Variants in RPS6KC1 observed in about 807,000 individuals in gnomAD.
RPS6KC1 encodes ribosomal protein S6 kinase C1.
A neutral mutation model predicts 103.8 loss-of-function variants in RPS6KC1; 54 were observed. The ratio of observed to expected loss-of-function variants is 0.52; its 90% CI spans 0.42 to 0.65. The LOEUF (loss-of-function observed/expected upper bound fraction) is 0.65, where lower values mean the gene tolerates loss of function less well. Ranked by LOEUF, RPS6KC1 falls within the 30% of genes least tolerant of loss-of-function variation. The probability of loss-of-function intolerance (pLI) is 0.00; values close to 1 mark genes in which losing one functional copy is unlikely to be tolerated. For synonymous variants in RPS6KC1, 439 were observed against 438.7 expected, an observed-to-expected ratio of 1.00 and a Z score of -0.01; for missense variants, 1,151 against 1,253.8, an observed-to-expected ratio of 0.92 and a Z score of 1.24.
the RPS6KC1 span, among the ~76,000 whole-genome samples, chr1:213,281,701 T>C: frequency 5.9e-5 from 9 of 152,200 alleles, no homozygotes; most frequent in African/African-American, 1.9e-4. Flanking sequence ...CTATATCCCG[T>C]AGCTTATCTC....
At chr1:213,627,980 A>G in the RPS6KC1 span, among the ~76,000 whole-genome samples, 1 of 152,224 alleles carries the variant, frequency 6.6e-6, no homozygotes, top group Admixed American at 6.5e-5. Context: ...ACTGATTGGA[A>G]TAGTTTCAGA....
chr1:213,167,795 A>G (rs2091120834), intron 6 of RPS6KC1, 63 bp from the exon 7 acceptor site: 2 of 920,566 alleles, frequency 2.2e-6, no homozygotes, highest in African/African-American at 3.4e-5. Flanking sequence ...GGTAGAAGGA[A>G]GTTAATTTTC....
intron 4 of RPS6KC1, 42 bp downstream of exon 4, chr1:213,104,611 C>T (rs770158612): frequency 1.2e-5 from 13 of 1,115,642 alleles, no homozygotes; most frequent in Middle Eastern, 2.1e-4. Flanking sequence ...TTATTAAATA[C>T]TTTTGTAATT....
At chr1:213,132,237 T>C (rs1299061609) in intron 6 of RPS6KC1, among the ~76,000 whole-genome samples, 2 of 152,356 alleles carry the variant, frequency 1.3e-5, no homozygotes, top group Non-Finnish European at 2.9e-5. Context: ...GTTTGTCTTT[T>C]TGAAAGCACA....
the RPS6KC1 span, among the ~76,000 whole-genome samples, chr1:213,708,983 A>G: frequency 6.6e-5 from 10 of 152,136 alleles, no homozygotes; most frequent in African/African-American, 1.9e-4. Flanking sequence ...TTGCATCAAT[A>G]TTCATCAGGG....
the RPS6KC1 span, among the ~76,000 whole-genome samples, chr1:213,357,415 G>A: frequency 6.6e-6 from 1 of 152,240 alleles, no homozygotes; most frequent in Non-Finnish European, 1.5e-5. Flanking sequence ...GGGTAAGGAT[G>A]TTGGAATGAC....
At chr1:213,379,248 C>A in the RPS6KC1 span, among the ~76,000 whole-genome samples, 1 of 152,102 alleles carries the variant, frequency 6.6e-6, no homozygotes, top group Non-Finnish European at 1.5e-5. Flanking sequence ...TCCCCGGTAC[C>A]TTTAATGTGA....
the RPS6KC1 span, among the ~76,000 whole-genome samples, chr1:213,366,883 C>T: frequency 6.6e-6 from 1 of 152,214 alleles, no homozygotes; most frequent in African/African-American, 2.4e-5. Context: ...TGTATCTTCC[C>T]TGCATTTGTC....
intron 6 of RPS6KC1, among the ~76,000 whole-genome samples, chr1:213,161,793 A>C (rs1258304210): frequency 6.6e-6 from 1 of 152,230 alleles, no homozygotes; most frequent in Non-Finnish European, 1.5e-5. Context: ...TGAGAATAAT[A>C]AACTGCTTGT....
At chr1:213,145,816 T>C (rs1307707960) in intron 6 of RPS6KC1, among the ~76,000 whole-genome samples, 19 of 152,000 alleles carry the variant, frequency 1.3e-4, no homozygotes, top group Non-Finnish European at 4.4e-5. Flanking sequence ...AAGTACATCA[T>C]GGAGAATGGG....
chr1:213,213,325 T>C (rs1202667578), intron 8 of RPS6KC1, among the ~76,000 whole-genome samples: 2 of 152,260 alleles, frequency 1.3e-5, no homozygotes, highest in Non-Finnish European at 2.9e-5. Context: ...CTTTGCTCCA[T>C]TGTATTCCCT....
chr1:213,366,551 CGTT>C, the RPS6KC1 span, among the ~76,000 whole-genome samples: 20 of 152,236 alleles, frequency 1.3e-4, no homozygotes, highest in Admixed American at 6.5e-4. Flanking sequence ...GTTCAACTCT[CGTT>C]GTAGCACAAA....
the RPS6KC1 span, among the ~76,000 whole-genome samples, chr1:213,767,179 T>A: frequency 6.6e-6 from 1 of 152,152 alleles, no homozygotes; most frequent in Admixed American, 6.5e-5. Context: ...AAACATTACT[T>A]TCTTCAAGAA....
chr1:213,304,043 A>C, the RPS6KC1 span, among the ~76,000 whole-genome samples: 2 of 151,054 alleles, frequency 1.3e-5, no homozygotes, highest in East Asian at 1.9e-4. Flanking sequence ...GTCTCTACTA[A>C]AAATACAAAA....
intron 2 of RPS6KC1, among the ~76,000 whole-genome samples, chr1:213,074,842 A>ATTT (rs2079164421): frequency 2.9e-5 from 3 of 103,230 alleles, no homozygotes; most frequent in Admixed American, 1.0e-4. Context: ...AACTAGAATA[A>ATTT]ATTTTTTTTT....
the RPS6KC1 span, among the ~76,000 whole-genome samples, chr1:213,576,272 C>T: frequency 1.3e-5 from 2 of 151,616 alleles, no homozygotes; most frequent in Non-Finnish European, 2.9e-5. Context: ...ATAACAATTA[C>T]TTACCTAGTG....
At chr1:213,184,452 C>G (rs1212453057) in intron 8 of RPS6KC1, among the ~76,000 whole-genome samples, 2 of 151,576 alleles carry the variant, frequency 1.3e-5, no homozygotes, top group African/African-American at 4.8e-5. Context: ...TTCAAGAAAA[C>G]CAACTTTTCA....
chr1:213,834,062 G>A, the RPS6KC1 span, among the ~76,000 whole-genome samples: 2 of 152,216 alleles, frequency 1.3e-5, no homozygotes, highest in South Asian at 4.1e-4. Context: ...GAGGAATGAG[G>A]TCTCATTCTA....
the RPS6KC1 span, among the ~76,000 whole-genome samples, chr1:213,472,501 G>T: frequency 9.2e-4 from 140 of 152,296 alleles, no homozygotes; most frequent in Middle Eastern, 0.01. Context: ...GATAGAGCCC[G>T]TGAGGCTTTG....
Sources: allele counts gnomAD v4.1 joint callset (sites outside exome capture counted in the v4.1 genomes callset), GRCh38; gene constraint gnomAD v4.1.1; transcripts MANE v1.5; gene names NCBI Gene and HGNC (gene_info 2026-07-23, HGNC 2026-07-21).